The following DNAAF5 variants were observed in gnomAD, a reference collection of about 807,000 sequenced individuals.
DNAAF5 encodes the protein HEAT repeat containing 2.
Under a neutral mutation model 75.8 loss-of-function variants are expected in DNAAF5, and 64 were observed. The observed-to-expected ratio is 0.84, with a 90% CI of 0.69 to 1.04. The LOEUF (loss-of-function observed/expected upper bound fraction) is 1.04. DNAAF5 is among the 50% of genes least tolerant of loss of function. The pLI is 0.00. For missense variants in DNAAF5, 1,269 were observed against 1,178.5 expected (o/e 1.08, Z -1.12); for synonymous variants, 657 against 557.2 (o/e 1.18, Z -2.52).
chr7:734,685 A>G (rs566828375), intron 2 of DNAAF5, among the ~76,000 whole-genome samples: 6 of 152,244 alleles, frequency 3.9e-5, no homozygotes, highest in Non-Finnish European at 8.8e-5. Context: ...AACATTTGGC[A>G]GTGAAATATT....
At position 774,075 on chromosome 7, in the gene DNAAF5, G is replaced by A. The variant is rs1583517339; in HGVS notation, c.1959G>A (p.Val653=). The change falls in exon 10 of 13, where the codon GTG becomes GTA. Residue 653 remains valine, a synonymous_variant. Coordinates refer to ENST00000297440, the MANE Select transcript of DNAAF5 (RefSeq NM_017802.4). ...QGQFPSYLET[V]TKDILAPNLQ... Reference sequence around the variant, plus strand: ...AGTTTCCCAGCTACCTCGAGACGGTGACAAAGGACATCCTGGCCCCCAATC... The same window carrying A: ...AGTTTCCCAGCTACCTCGAGACGGTAACAAAGGACATCCTGGCCCCCAATC... 42 of 1,614,024 alleles carry A rather than the reference G, an allele frequency of 2.6e-5. No homozygotes were observed. Among genetic ancestry groups the A allele is most frequent in the Non-Finnish European group, 3.5e-5 (41 of 1,180,014 alleles).
At chr7:753,586 C>T (rs553501078) in intron 4 of DNAAF5, among the ~76,000 whole-genome samples, 74 of 105,264 alleles carry the variant, frequency 7.0e-4, no homozygotes, top group African/African-American at 2.3e-3. Flanking sequence ...CATATGGGGA[C>T]GGCTTCACAG....
At chr7:760,944 G>A (rs545088412) in intron 6 of DNAAF5, among the ~76,000 whole-genome samples, 3 of 152,354 alleles carry the variant, frequency 2.0e-5, no homozygotes, top group South Asian at 2.1e-4. Flanking sequence ...GCAGCAGAGC[G>A]ACTGCCAGCT....
At chr7:773,010 G>A (rs1255581278) in intron 9 of DNAAF5, 3 of 150,932 alleles carry the variant, frequency 2.0e-5, no homozygotes, top group East Asian at 1.9e-4. Context: ...CCTAGGTGGC[G>A]CCCGTGTGGC....
In DNAAF5 at chr7:761,547, A is replaced by G. The variant is rs558179866; in HGVS notation, c.1471-206A>G. 1.9e-4 allele frequency among the ~76,000 whole-genome samples: 29 copies of G among 152,386 alleles called. No individual in the cohort carries two copies. In the South Asian group the frequency reaches 3.3e-3, roughly 17 times the overall value. On this transcript the variant is annotated intron_variant, in intron 6 of 12. Coordinates refer to ENST00000297440, the MANE Select transcript of DNAAF5 (RefSeq NM_017802.4). ...GGCAGGCGAGAGAGTGTGCAGGGGA[A>G]CTGCCCTTTATACTAACATCAGATC...
chr7:751,567 T>C (rs1180228608), intron 4 of DNAAF5, among the ~76,000 whole-genome samples: 1 of 132,180 alleles, frequency 7.6e-6, no homozygotes, highest in African/African-American at 2.8e-5. Context: ...ACAGTTGTTC[T>C]GAATTTTTTT....
Position 785,576 on chromosome 7 carries a change from G to A in DNAAF5, c.2491G>A (p.Val831Ile), listed in dbSNP as rs369761475. Residue 831 changes from valine (V) to isoleucine (I), a missense_variant, in exon 13 of 13, where the codon GTC becomes ATC. By Grantham distance (29) the Val-to-Ile change is conservative. Coordinates refer to ENST00000297440, the MANE Select transcript of DNAAF5 (RefSeq NM_017802.4). ...PDLLVRETEA[V>I]IHKHRSATYC... ...TCTCCTGGTGAGGGAGACGGAGGCC[G>A]TCATCCACAAGCACCGCTCGGCCAC... 27 of 1,613,260 alleles carry A rather than the reference G, an allele frequency of 1.7e-5. No homozygotes were observed. Among genetic ancestry groups the A allele is most frequent in the Admixed American group, 1.5e-4 (9 of 60,004 alleles).
rs151227818 is a variant in DNAAF5, at chr7:763,880, T to G, written c.1689T>G (p.Ile563Met). 5.0e-6 allele frequency: 8 copies of G among 1,613,172 alleles called. No individual in the cohort carries two copies. The highest frequency in any genetic ancestry group is 1.1e-5 in the South Asian group (1 of 91,090). ...GCCAGGACCTCTACCGCAAGCACAT[T>G]GGTCCCCTCCTGGAGCGGGTGACCG... ...SSCQDLYRKH[I>M]GPLLERVTAS... Residue 563 changes from isoleucine (I) to methionine (M), a missense_variant, in exon 8 of 13, where the codon ATT (isoleucine) becomes ATG (methionine). Coordinates refer to ENST00000297440, the MANE Select transcript of DNAAF5 (RefSeq NM_017802.4).
At position 761,936 on chromosome 7, in the gene DNAAF5, G is replaced by A. The variant is rs373986055; in HGVS notation, c.1614+40G>A. On this transcript the variant is annotated intron_variant, in intron 7 of 12. Transcript: ENST00000297440. Reference sequence around the variant, plus strand: ...GGTGGCTGCTGCTTGACCTAGCGGAGCTCACAGCTGGAAGGCATCTCTAAG... The same window carrying A: ...GGTGGCTGCTGCTTGACCTAGCGGAACTCACAGCTGGAAGGCATCTCTAAG... The A allele has an allele frequency of 6.5e-6, 10 of 1,543,214 alleles. No homozygotes were observed. In the African/African-American group the frequency reaches 1.1e-4, roughly 17 times the overall value.
In DNAAF5 at chr7:778,243, GTTTGGGCATCTGAGCGCA is replaced by G. The variant is rs1326012253; in HGVS notation, c.2240-1697_2240-1680del. 3.3e-5 allele frequency: 5 copies of G among 152,250 alleles called. No homozygotes were observed. The East Asian group carries it at 5.8e-4, about 18-fold the overall frequency. 9.4% of individuals were successfully genotyped at this position (152,250 alleles called of 1,614,324 possible). The stretch of plus-strand genomic sequence containing the variant: ...AGGAGCTGGCGGAAAGGCTGCACGC[GTTTGGGCATCTGAGCGCA>G]TTTGGGCATCTGGGCCACGGCCCCC... On this transcript the variant is annotated intron_variant, in intron 11 of 12. Transcript: ENST00000297440.
chr7:730,278 G>C (rs1181376499), intron 2 of DNAAF5, among the ~76,000 whole-genome samples: 1 of 152,092 alleles, frequency 6.6e-6, no homozygotes, highest in African/African-American at 2.4e-5. Context: ...AGACGGGCAG[G>C]CAGGCAGGCA....
chr7:767,784 C>G (rs936438256), intron 8 of DNAAF5, among the ~76,000 whole-genome samples: 3 of 150,936 alleles, frequency 2.0e-5, no homozygotes, highest in African/African-American at 7.3e-5. Flanking sequence ...AGTGTCCGTG[C>G]TGCCAGCAGG....
At chr7:741,283 C>CA in intron 3 of DNAAF5, 64 bp from the exon 4 acceptor site, 1 of 1,245,256 alleles carries the variant, frequency 8.0e-7, no homozygotes, top group East Asian at 2.5e-5. Flanking sequence ...TGTCCTGGCG[C>CA]AGCCCTGCGG....
At chr7:742,284 G>A (rs545090947) in intron 4 of DNAAF5, among the ~76,000 whole-genome samples, 1 of 152,296 alleles carries the variant, frequency 6.6e-6, no homozygotes, top group Non-Finnish European at 1.5e-5. Flanking sequence ...TAGGTGAAGC[G>A]CAGCCCACAT....
intron 9 of DNAAF5, among the ~76,000 whole-genome samples, chr7:773,746 A>G (rs1197301106): frequency 4.6e-5 from 7 of 152,012 alleles, no homozygotes; most frequent in African/African-American, 1.7e-4. Flanking sequence ...AGGAGCGGCG[A>G]GGGGCTGAAA....
At chr7:727,391 C>A in intron 1 of DNAAF5, 76 bp downstream of exon 1, 1 of 852,780 alleles carries the variant, frequency 1.2e-6, no homozygotes, top group Non-Finnish European at 1.5e-6. Flanking sequence ...GCCCCTCTCA[C>A]AACCCCCGCG....
chr7:770,818 A>C (rs1778537694), intron 9 of DNAAF5, 200 bp downstream of exon 9: 1 of 522,798 alleles, frequency 1.9e-6, no homozygotes. Flanking sequence ...CCCCACGCCG[A>C]GTCTAAGGTG....
chr7:754,582 G>A lies in DNAAF5; in HGVS notation c.1025-7G>A, dbSNP rs748574039. The A allele has an allele frequency of 4.9e-5, 78 of 1,596,744 alleles. No homozygotes were observed. The Admixed American group carries it at 1.0e-3, about 21-fold the overall frequency. Reference sequence around the variant, plus strand: ...TTTCTCATTCTTCTTTCCCTTTTTCGTTCCAGAGCGCCGCCCTGTGCTGGG... The same window carrying A: ...TTTCTCATTCTTCTTTCCCTTTTTCATTCCAGAGCGCCGCCCTGTGCTGGG... On this transcript the variant is annotated splice_polypyrimidine_tract_variant and splice_region_variant and intron_variant, in intron 4 of 12. Coordinates refer to ENST00000297440, the MANE Select transcript of DNAAF5 (RefSeq NM_017802.4). The surrounding 1 kb of genome is among the most constrained non-coding windows in gnomAD (Gnocchi z 4.8).
At chr7:751,471 G>T (rs1314310722) in intron 4 of DNAAF5, among the ~76,000 whole-genome samples, 2 of 151,870 alleles carry the variant, frequency 1.3e-5, no homozygotes, top group African/African-American at 4.8e-5. Flanking sequence ...CTGCACTCCA[G>T]CCTGGGTGAC....
Sources: gnomAD v4.1 joint callset for allele counts (sites outside exome capture counted in the v4.1 genomes callset) on GRCh38, gnomAD v4.1.1 for gene constraint, Gnocchi (gnomAD v3.1) non-coding constraint, MANE v1.5 for transcripts, NCBI Gene and HGNC (gene_info 2026-07-23, HGNC 2026-07-21) for gene names.